SLC7A5: variants seen among roughly 807,000 people sequenced by gnomAD.
SLC7A5 encodes the protein solute carrier family 7 member 5.
In SLC7A5, 23 loss-of-function variants were observed where a neutral mutation model predicts 50.2. The observed-to-expected ratio is 0.46, with a 90% CI of 0.33 to 0.65. SLC7A5 has a LOEUF of 0.65. SLC7A5 is among the 30% of genes least tolerant of loss of function. The pLI is 0.02. For missense variants in SLC7A5, 578 were observed against 684.4 expected (o/e 0.84, Z 1.73); for synonymous variants, 393 against 330.6 (o/e 1.19, Z -2.05).
At position 87,847,387 on chromosome 16, in the gene SLC7A5, AGCCAGATGAGG is replaced by A. The variant is rs147645867; in HGVS notation, c.664+4326_664+4336del. Among the ~76,000 whole-genome samples, 233 of 152,280 alleles carry A rather than the reference AGCCAGATGAGG, an allele frequency of 1.5e-3. 4 individuals are homozygous for A. The East Asian group carries it at 0.039, about 25-fold the overall frequency. Reference sequence around the variant, plus strand: ...GACCAAGACAGGGCCGCACACCCCCAGCCAGATGAGGGCCAGATGAGGGAGGCGGCACCTCT... The same window carrying A: ...GACCAAGACAGGGCCGCACACCCCCAGCCAGATGAGGGAGGCGGCACCTCT... On this transcript the variant is annotated intron_variant, in intron 2 of 9. Coordinates refer to ENST00000261622, the MANE Select transcript of SLC7A5 (RefSeq NM_003486.7).
intron 1 of SLC7A5, among the ~76,000 whole-genome samples, chr16:87,854,744 G>A (rs2055293494): frequency 6.6e-6 from 1 of 152,268 alleles, no homozygotes; most frequent in Non-Finnish European, 1.5e-5. Context: ...CAGATAGCCG[G>A]GCAGGCTGAG....
chr16:87,850,248 G>A (rs1370306032), intron 2 of SLC7A5, among the ~76,000 whole-genome samples: 1 of 152,228 alleles, frequency 6.6e-6, no homozygotes, highest in Non-Finnish European at 1.5e-5. Context: ...CCAGTGGCAC[G>A]GTGCACACAG....
rs1274330227 is a variant in SLC7A5, at chr16:87,831,229, G to A, written c.*1741C>T. On this transcript the variant is annotated 3_prime_UTR_variant, in exon 10 of 10. Coordinates refer to ENST00000261622, the MANE Select transcript of SLC7A5 (RefSeq NM_003486.7). The stretch of plus-strand genomic sequence containing the variant: ...TTGGACGAGTGGAATTCGTCCCCAG[G>A]AAGGATGCAGGTCCTATGAGCAGAC... 1 of 152,342 alleles carries A rather than the reference G, an allele frequency of 6.6e-6. No individual in the cohort carries two copies. Among genetic ancestry groups the A allele is most frequent in the Non-Finnish European group, 1.5e-5 (1 of 68,090 alleles). The allele number at this position is 152,342 out of a possible 1,614,324, so 9.4% of individuals were successfully genotyped here.
intron 1 of SLC7A5, among the ~76,000 whole-genome samples, chr16:87,863,104 G>A (rs935207115): frequency 6.6e-6 from 1 of 152,244 alleles, no homozygotes; most frequent in African/African-American, 2.4e-5. Flanking sequence ...TTCAAGGCAT[G>A]GAGGAGCTGT....
intron 8 of SLC7A5, among the ~76,000 whole-genome samples, chr16:87,835,319 T>C (rs1032313806): frequency 2.0e-5 from 3 of 152,218 alleles, no homozygotes; most frequent in Admixed American, 6.5e-5. Context: ...CAGGTCCCCA[T>C]GGGGGCTGAG....
At position 87,869,449 on chromosome 16, in the gene SLC7A5, C is replaced by T; in HGVS notation, c.-27G>A. 1 of 1,356,176 alleles carries T rather than the reference C, an allele frequency of 7.4e-7. No homozygotes were observed. Among genetic ancestry groups the T allele is most frequent in the Non-Finnish European group, 9.4e-7 (1 of 1,062,944 alleles). 84.0% of individuals were successfully genotyped at this position (1,356,176 alleles called of 1,614,324 possible). ...CTCTGCGCACCGGCCGGGCCTGGGACACCCGGGAGCCGCGGCCCAGCGAGC... is the reference window on the plus strand; with the variant it reads ...CTCTGCGCACCGGCCGGGCCTGGGATACCCGGGAGCCGCGGCCCAGCGAGC... On this transcript the variant is annotated 5_prime_UTR_variant, in exon 1 of 10. Coordinates refer to ENST00000261622, the MANE Select transcript of SLC7A5 (RefSeq NM_003486.7).
rs751639364 is a variant in SLC7A5 at position 87,860,240 on chromosome 16, G to C, written c.539-8391C>G. 6.6e-6 allele frequency among the ~76,000 whole-genome samples: 1 copy of C among 151,410 alleles called. No individual in the cohort carries two copies. Among genetic ancestry groups the C allele is most frequent in the Non-Finnish European group, 1.5e-5 (1 of 67,904 alleles). On this transcript the variant is annotated intron_variant, in intron 1 of 9. Transcript: ENST00000261622. This position sits in a 1 kb window ranked among gnomAD's most constrained non-coding sequence, Gnocchi z 4.8. ...CCCAGCTACTCGGGAAGCTAAGGCA[G>C]GAGAATCACTTGAACCCAGGAGGCG...
At position 87,834,474 on chromosome 16, in the gene SLC7A5, G is replaced by A; in HGVS notation, c.1408C>T (p.Pro470Ser). The change falls in exon 9 of 10, where the codon CCC (proline) becomes TCC (serine). Residue 470 changes from proline (P) to serine (S), a missense_variant. Pro to Ser is a moderately conservative substitution (Grantham distance 74). Coordinates refer to ENST00000261622, the MANE Select transcript of SLC7A5 (RefSeq NM_003486.7). ...IGFTIILSGL[P>S]VYFFGVWWKN... The stretch of plus-strand genomic sequence containing the variant: ...CACCAGACCCCGAAGAAGTAGACGG[G>A]CAGCCCGCTGAGGATGATGGTGAAG... 6.4e-7 allele frequency: 1 copy of A among 1,571,994 alleles called. No homozygotes were observed. Among genetic ancestry groups the A allele is most frequent in the Non-Finnish European group, 8.6e-7 (1 of 1,158,936 alleles).
In SLC7A5 at chr16:87,830,828, C is replaced by G. The variant is rs936900372; in HGVS notation, c.*2142G>C. On this transcript the variant is annotated 3_prime_UTR_variant, in exon 10 of 10. Transcript: ENST00000261622. The stretch of plus-strand genomic sequence containing the variant: ...CAGCCAACAGGCAAGTGCGTGCCGT[C>G]GAGAGGCCGCCGGCTCCCTGTATCC... The G allele has an allele frequency of 1.3e-5, 2 of 152,352 alleles. No individual in the cohort carries two copies. Among genetic ancestry groups the G allele is most frequent in the Non-Finnish European group, 2.9e-5 (2 of 68,128 alleles). The allele number at this position is 152,352 out of a possible 1,614,324, so 9.4% of individuals were successfully genotyped here.
At chr16:87,837,506 A>T (rs1009244693) in intron 7 of SLC7A5, 1 of 328,952 alleles carries the variant, frequency 3.0e-6, no homozygotes. Context: ...AGCGGAAGGA[A>T]ACTGTGTGTG....
chr16:87,846,866 C>T (rs147659340), intron 2 of SLC7A5, among the ~76,000 whole-genome samples: 155 of 152,322 alleles, frequency 1.0e-3, no homozygotes, highest in African/African-American at 3.6e-3. Flanking sequence ...CAGTGGCTCC[C>T]GTGCCGGGGA....
intron 2 of SLC7A5, among the ~76,000 whole-genome samples, chr16:87,846,553 T>G (rs367813099): frequency 6.6e-6 from 1 of 152,116 alleles, no homozygotes; most frequent in South Asian, 2.1e-4. Context: ...TGGGGCCTGA[T>G]CTGACAGGAT....
chr16:87,848,138 A>G (rs1294792071), intron 2 of SLC7A5, among the ~76,000 whole-genome samples: 1 of 122,918 alleles, frequency 8.1e-6, no homozygotes, highest in East Asian at 2.0e-4. Flanking sequence ...GAAAGGGCAA[A>G]TTTGCTCCAG....
In SLC7A5 at chr16:87,861,382, A is replaced by G. The variant is rs1187492304; in HGVS notation, c.538+7503T>C. On this transcript the variant is annotated intron_variant, in intron 1 of 9. Coordinates refer to ENST00000261622, the MANE Select transcript of SLC7A5 (RefSeq NM_003486.7). This position sits in a 1 kb window ranked among gnomAD's most constrained non-coding sequence, Gnocchi z 4.2. ...GTCTTGCTGACTGACACCTCCCCAG[A>G]CCCCTGGCACCCACCAGACTCCCCA... 6.6e-6 allele frequency among the ~76,000 whole-genome samples: 1 copy of G among 151,836 alleles called. No homozygotes were observed. Among genetic ancestry groups the G allele is most frequent in the Non-Finnish European group, 1.5e-5 (1 of 67,956 alleles).
Position 87,833,617 on chromosome 16 carries a change from C to T in SLC7A5, c.1469-592G>A, listed in dbSNP as rs548342806. 2.6e-5 allele frequency among the ~76,000 whole-genome samples: 4 copies of T among 151,870 alleles called. No individual in the cohort carries two copies. The South Asian group carries it at 8.3e-4, about 31-fold the overall frequency. ...GGCAAATGTTCTACCATGACCCTGG[C>T]GGTGATCAGAGTGTGGGGTAGGGGT... On this transcript the variant is annotated intron_variant, in intron 9 of 9. Transcript: ENST00000261622. The surrounding 1 kb of genome is among the most constrained non-coding windows in gnomAD (Gnocchi z 6.0).
chr16:87,850,952 C>G (rs750384002), intron 2 of SLC7A5, among the ~76,000 whole-genome samples: 9 of 152,186 alleles, frequency 5.9e-5, no homozygotes, highest in Non-Finnish European at 8.8e-5. Flanking sequence ...ACAGAGAACA[C>G]AGGTGCAAAG....
chr16:87,848,157 T>G (rs532798562), intron 2 of SLC7A5, among the ~76,000 whole-genome samples: 45 of 152,362 alleles, frequency 3.0e-4, no homozygotes, highest in Middle Eastern at 3.4e-3. Flanking sequence ...AGGGGAATAC[T>G]GACCTCCAAC....
Position 87,841,470 on chromosome 16 carries a change from G to A in SLC7A5, c.665-315C>T, listed in dbSNP as rs2055082496. ...AGGATGGAGGGGTCAACCAGCCCCA[G>A]TTGCCTTCAAGAAGGTTCCCTGAGA... On this transcript the variant is annotated intron_variant, in intron 2 of 9. Transcript: ENST00000261622. The surrounding 1 kb of genome is among the most constrained non-coding windows in gnomAD (Gnocchi z 4.8). Among the ~76,000 whole-genome samples the A allele has an allele frequency of 6.6e-6, 1 of 152,200 alleles. No homozygotes were observed. Among genetic ancestry groups the A allele is most frequent in the Admixed American group, 6.5e-5 (1 of 15,280 alleles).
At chr16:87,849,408 G>A (rs868540009) in intron 2 of SLC7A5, among the ~76,000 whole-genome samples, 2 of 152,208 alleles carry the variant, frequency 1.3e-5, no homozygotes, top group African/African-American at 2.4e-5. Flanking sequence ...GGGGGAGCAC[G>A]GTGGGAGGAC....
Sources: allele counts gnomAD v4.1 joint callset (sites outside exome capture counted in the v4.1 genomes callset), GRCh38; gene constraint gnomAD v4.1.1; non-coding constraint Gnocchi (gnomAD v3.1); transcripts MANE v1.5; gene names NCBI Gene and HGNC (gene_info 2026-07-23, HGNC 2026-07-21).